The following SLC35F1 variants were observed in gnomAD, a reference collection of about 807,000 sequenced individuals.
The protein encoded by SLC35F1 is chromosome 6 open reading frame 169.
In SLC35F1, 14 loss-of-function variants were observed where a neutral mutation model predicts 48.7. The ratio of observed to expected loss-of-function variants is 0.29; its 90% CI spans 0.19 to 0.45. SLC35F1 has a LOEUF of 0.45. SLC35F1 is among the 20% of genes least tolerant of loss of function. The pLI is 1.00. For synonymous variants in SLC35F1, 190 were observed against 202.2 expected (o/e 0.94, Z 0.51); for missense variants, 404 against 500.0 (o/e 0.81, Z 1.83).
At chr6:118,128,824 T>A (rs908858325) in intron 1 of SLC35F1, among the ~76,000 whole-genome samples, 59 of 151,774 alleles carry the variant, frequency 3.9e-4, no homozygotes, top group African/African-American at 1.2e-3. Flanking sequence ...TAAAAATAAA[T>A]AAATAAATAA....
At chr6:118,287,131 A>G (rs1004657029) in intron 7 of SLC35F1, among the ~76,000 whole-genome samples, 1 of 152,202 alleles carries the variant, frequency 6.6e-6, no homozygotes, top group Non-Finnish European at 1.5e-5. Flanking sequence ...AAGGGTAAAA[A>G]GCAAGATCAC....
chr6:117,932,079 C>A (rs780993099), intron 1 of SLC35F1, among the ~76,000 whole-genome samples: 1 of 152,090 alleles, frequency 6.6e-6, no homozygotes, highest in Non-Finnish European at 1.5e-5. Context: ...GCTGCTTGGT[C>A]CTTCCATATC....
chr6:117,929,453 A>ATGTATG (rs1776072010), intron 1 of SLC35F1, among the ~76,000 whole-genome samples: 1 of 145,994 alleles, frequency 6.8e-6, no homozygotes, highest in Non-Finnish European at 1.5e-5. Flanking sequence ...GTATGTATTT[A>ATGTATG]TGTGTGTGTG....
At chr6:117,918,256 T>A (rs568076744) in intron 1 of SLC35F1, among the ~76,000 whole-genome samples, 1 of 151,494 alleles carries the variant, frequency 6.6e-6, no homozygotes, top group East Asian at 2.0e-4. Flanking sequence ...TCTGTGTGCT[T>A]ATGGGAATGC....
intron 3 of SLC35F1, among the ~76,000 whole-genome samples, chr6:118,244,111 C>T (rs1373567740): frequency 1.3e-5 from 2 of 152,224 alleles, no homozygotes; most frequent in African/African-American, 4.8e-5. Context: ...GCATAAACAC[C>T]TGCATATCAT....
intron 2 of SLC35F1, among the ~76,000 whole-genome samples, chr6:118,173,593 C>T (rs147757138): frequency 1.2e-4 from 18 of 152,204 alleles, no homozygotes; most frequent in African/African-American, 3.9e-4. Context: ...GAGCTAAAAG[C>T]GATCCTAAGT....
intron 2 of SLC35F1, among the ~76,000 whole-genome samples, chr6:118,162,146 TAC>T (rs979349065): frequency 6.6e-6 from 1 of 152,140 alleles, no homozygotes; most frequent in Non-Finnish European, 1.5e-5. Context: ...ATAAAAAAAT[TAC>T]AGTTAATTCA....
intron 1 of SLC35F1, among the ~76,000 whole-genome samples, chr6:118,105,132 G>C (rs79131909): frequency 0.028 from 4,313 of 152,144 alleles, 73 homozygotes; most frequent in Middle Eastern, 0.11. Context: ...CTGTTTGCTT[G>C]GTTGCATCTA....
At chr6:118,178,905 A>G (rs113451859) in intron 2 of SLC35F1, among the ~76,000 whole-genome samples, 8 of 152,240 alleles carry the variant, frequency 5.3e-5, no homozygotes, top group East Asian at 3.9e-4. Flanking sequence ...GAATATTTCT[A>G]TGGGAGCCAT....
chr6:118,059,364 G>C (rs1582643150), intron 1 of SLC35F1, among the ~76,000 whole-genome samples: 1 of 152,178 alleles, frequency 6.6e-6, no homozygotes, highest in Non-Finnish European at 1.5e-5. Context: ...CTGTCACTCT[G>C]TAAATTGTCA....
intron 1 of SLC35F1, among the ~76,000 whole-genome samples, chr6:118,059,880 T>C (rs1772513611): frequency 6.6e-6 from 1 of 152,188 alleles, no homozygotes; most frequent in Non-Finnish European, 1.5e-5. Flanking sequence ...AATGATACCA[T>C]TTTTATAGAG....
chr6:117,989,949 CTA>C (rs1237923728), intron 1 of SLC35F1, among the ~76,000 whole-genome samples: 1 of 152,092 alleles, frequency 6.6e-6, no homozygotes, highest in Non-Finnish European at 1.5e-5. Flanking sequence ...ATGAATAAAA[CTA>C]TATATATGTG....
intron 1 of SLC35F1, among the ~76,000 whole-genome samples, chr6:118,042,357 G>T (rs1168808623): frequency 2.0e-5 from 3 of 152,214 alleles, no homozygotes. Context: ...ACGTTGGGTG[G>T]TGGCACAAAG....
intron 2 of SLC35F1, among the ~76,000 whole-genome samples, chr6:118,170,834 T>C (rs1032647617): frequency 5.9e-5 from 9 of 152,196 alleles, no homozygotes; most frequent in South Asian, 2.1e-4. Flanking sequence ...ATTTCAAATA[T>C]AGACATAAAT....
chr6:118,129,041 C>G (rs1401569763), intron 1 of SLC35F1, among the ~76,000 whole-genome samples: 1 of 151,930 alleles, frequency 6.6e-6, no homozygotes, highest in Non-Finnish European at 1.5e-5. Context: ...TTGAGTGTCC[C>G]CTATGTGAGA....
At chr6:117,913,602 T>C (rs943472917) in intron 1 of SLC35F1, among the ~76,000 whole-genome samples, 4 of 152,216 alleles carry the variant, frequency 2.6e-5, no homozygotes, top group Non-Finnish European at 5.9e-5. Flanking sequence ...GAATGTACAA[T>C]AGTTAAGAAG....
intron 1 of SLC35F1, among the ~76,000 whole-genome samples, chr6:118,079,927 C>T (rs1300217787): frequency 6.6e-6 from 1 of 152,138 alleles, no homozygotes; most frequent in East Asian, 1.9e-4. Flanking sequence ...GCATCATATT[C>T]TCTTACTTTC....
At chr6:118,200,303 C>T (rs1774858537) in intron 2 of SLC35F1, among the ~76,000 whole-genome samples, 1 of 152,108 alleles carries the variant, frequency 6.6e-6, no homozygotes, top group South Asian at 2.1e-4. Flanking sequence ...GAACTGGGCT[C>T]AATTCTGAAT....
chr6:118,314,103 A>G lies in SLC35F1; in HGVS notation c.1078A>G (p.Ile360Val), dbSNP rs750525809. The G allele has an allele frequency of 1.2e-5, 20 of 1,613,932 alleles. No individual in the cohort carries two copies. In the Admixed American group the frequency reaches 3.0e-4, roughly 24 times the overall value. ...LVLYSSTSTYIAQDPRVYKQF... is the reference protein window; with the variant it reads ...LVLYSSTSTYVAQDPRVYKQF... The stretch of plus-strand genomic sequence containing the variant: ...GCTCTACTCCTCCACCTCCACCTAC[A>G]TAGCCCAGGACCCCCGAGTGTATAA... Residue 360 changes from isoleucine (I) to valine (V), a missense_variant, in exon 8 of 8, where the codon ATA becomes GTA. Around this residue, in one of 2 missense-constraint regions of SLC35F1, gnomAD observed 306 missense variants for 419.1 expected, o/e 0.73. Coordinates refer to ENST00000360388, the MANE Select transcript of SLC35F1 (RefSeq NM_001029858.4).
Sources: allele counts gnomAD v4.1 joint callset (sites outside exome capture counted in the v4.1 genomes callset), GRCh38; gene constraint gnomAD v4.1.1; regional missense constraint gnomAD v4.1.1; transcripts MANE v1.5; gene names NCBI Gene and HGNC (gene_info 2026-07-23, HGNC 2026-07-21).